OS9: variants seen among roughly 807,000 people sequenced by gnomAD.
OS9 encodes protein OS-9.
A neutral mutation model predicts 84.7 loss-of-function variants in OS9; 58 were observed. The ratio of observed to expected loss-of-function variants is 0.68; its 90% CI spans 0.55 to 0.85. The LOEUF is 0.85. Among genes scored for constraint, OS9 ranks in the 40% least tolerant of loss-of-function variants. OS9 has a pLI of 0.00. For missense variants in OS9, 760 were observed against 850.9 expected (o/e 0.89, Z 1.33); for synonymous variants, 278 against 320.8 (o/e 0.87, Z 1.43).
In OS9 at chr12:57,715,908, C is replaced by T; in HGVS notation, c.728C>T (p.Ala243Val). 1.2e-6 allele frequency: 2 copies of T among 1,613,442 alleles called. No individual in the cohort carries two copies. The highest frequency in any genetic ancestry group is 8.5e-7 in the Non-Finnish European group (1 of 1,179,678). Reference protein sequence around the residue: ...LRPPPSAAPQAILCHPSLQPE... With the variant: ...LRPPPSAAPQVILCHPSLQPE... ...CCCCCACCCAGTGCTGCACCGCAGG[C>T]CATCCTCTGTCACCCTTCCCTACAG... The change falls in exon 6 of 15, where the codon GCC becomes GTC. Residue 243 changes from alanine (A) to valine (V), a missense_variant. Ala to Val is a moderately conservative substitution (Grantham distance 64). Transcript: ENST00000315970.
At chr12:57,694,610 AC>A (rs1565763150) in intron 1 of OS9, 139 bp from the exon 2 acceptor site, 1 of 891,534 alleles carries the variant, frequency 1.1e-6, no homozygotes, top group East Asian at 2.6e-5. Context: ...CCTCTCACCC[AC>A]TAAATACAGC....
At chr12:57,694,694 C>T (rs765749957) in intron 1 of OS9, 56 bp from the exon 2 acceptor site, 2 of 1,563,246 alleles carry the variant, frequency 1.3e-6, no homozygotes, top group East Asian at 2.2e-5. Flanking sequence ...TCGTTGTTCT[C>T]CCTGATCCCA....
At position 57,720,009 on chromosome 12, in the gene OS9, A is replaced by G. The variant is rs530133137; in HGVS notation, c.1601-90A>G. ...TGAGATGGAAGAGCTGCCAAAGCCA[A>G]CTGATGTTTTAGGGGGAGATGACCC... On this transcript the variant is annotated intron_variant, in intron 12 of 14. Transcript: ENST00000315970. The G allele has an allele frequency of 2.4e-5, 30 of 1,232,192 alleles. No homozygotes were observed. The African/African-American group carries it at 4.1e-4, about 17-fold the overall frequency. 76.3% of individuals were successfully genotyped at this position (1,232,192 alleles called of 1,614,324 possible).
At chr12:57,705,797 A>G (rs1445398502) in intron 5 of OS9, among the ~76,000 whole-genome samples, 6 of 152,164 alleles carry the variant, frequency 3.9e-5, no homozygotes, top group African/African-American at 1.4e-4. Flanking sequence ...TGCTGGGATT[A>G]CAGGCAATGA....
chr12:57,697,959 A>C (rs940220806), intron 5 of OS9, among the ~76,000 whole-genome samples: 1 of 142,012 alleles, frequency 7.0e-6, no homozygotes, highest in African/African-American at 2.6e-5. Flanking sequence ...ACACACACAC[A>C]CACACACCCT....
chr12:57,712,090 G>C (rs1329692326), intron 5 of OS9, among the ~76,000 whole-genome samples: 1 of 152,196 alleles, frequency 6.6e-6, no homozygotes, highest in East Asian at 1.9e-4. Context: ...GGACACATAG[G>C]ATGGTATTCC....
intron 5 of OS9, among the ~76,000 whole-genome samples, chr12:57,699,234 C>T (rs1400761456): frequency 6.6e-6 from 1 of 152,100 alleles, no homozygotes; most frequent in Non-Finnish European, 1.5e-5. Flanking sequence ...GCTAGGCATT[C>T]AAGTAGAGAT....
At chr12:57,720,760 C>A in intron 14 of OS9, 24 bp from the exon 15 acceptor site, 1 of 1,576,228 alleles carries the variant, frequency 6.3e-7, no homozygotes, top group Non-Finnish European at 8.6e-7. Context: ...GTAGCTCCAG[C>A]CCACCTCTAC....
intron 5 of OS9, among the ~76,000 whole-genome samples, chr12:57,710,904 T>C (rs1456769040): frequency 6.6e-6 from 1 of 151,700 alleles, no homozygotes; most frequent in Non-Finnish European, 1.5e-5. Flanking sequence ...CAGGGTGTGG[T>C]GAGGCATGTC....
In OS9 at chr12:57,717,957, A is replaced by C. The variant is rs562586731; in HGVS notation, c.1133A>C (p.Lys378Thr). 2.5e-6 allele frequency: 4 copies of C among 1,606,802 alleles called. No homozygotes were observed. In the Admixed American group the frequency reaches 6.9e-5, roughly 28 times the overall value. ...FIEELKGGTK[K>T]GKPNIGQEQP... Reference sequence around the variant, plus strand: ...GAGGAGCTGAAAGGTGGAACAAAAAAGGTATAGGCCGTGCTTAGGGAATGG... The same window carrying C: ...GAGGAGCTGAAAGGTGGAACAAAAACGGTATAGGCCGTGCTTAGGGAATGG... Residue 378 changes from lysine (K) to threonine (T), a missense_variant and splice_region_variant, in exon 10 of 15, where the codon AAG (lysine) becomes ACG (threonine). Coordinates refer to ENST00000315970, the MANE Select transcript of OS9 (RefSeq NM_006812.4).
chr12:57,695,021 T>A, intron 2 of OS9, 95 bp downstream of exon 2: 1 of 1,141,044 alleles, frequency 8.8e-7, no homozygotes, highest in South Asian at 1.3e-5. Flanking sequence ...CTAGGGGACC[T>A]GTAGTGGTTA....
Position 57,720,197 on chromosome 12 carries a change from C to T in OS9, c.1699C>T (p.Pro567Ser). The T allele has an allele frequency of 6.2e-7, 1 of 1,614,210 alleles. No individual in the cohort carries two copies. Among genetic ancestry groups the T allele is most frequent in the Non-Finnish European group, 8.5e-7 (1 of 1,180,048 alleles). ...TGTCCTCGAGATGAAACGGGAAAAC[C>T]CACAGCTGAAACAAATCGAGGGGCT... ...LTVLEMKREN[P>S]QLKQIEGLVK... The change falls in exon 13 of 15, where the codon CCA becomes TCA. Residue 567 changes from proline (P) to serine (S), a missense_variant. Physicochemically the swap from Pro to Ser is moderately conservative, Grantham distance 74. Transcript: ENST00000315970.
chr12:57,701,474 C>T (rs1313653127), intron 5 of OS9, among the ~76,000 whole-genome samples: 2 of 151,902 alleles, frequency 1.3e-5, no homozygotes, highest in Admixed American at 1.3e-4. Flanking sequence ...AGGGGTTTCA[C>T]CATGTTGGCC....
intron 5 of OS9, among the ~76,000 whole-genome samples, chr12:57,715,409 T>TAC (rs1954455595): frequency 6.6e-6 from 1 of 151,334 alleles, no homozygotes; most frequent in African/African-American, 2.4e-5. Context: ...CAAATAAAAG[T>TAC]ATATATATAC....
rs1954598864 is a variant in OS9, at chr12:57,719,075, A to G, written c.1493A>G (p.Asn498Ser). The change falls in exon 12 of 15, where the codon AAC becomes AGC. Residue 498 changes from asparagine to serine, a missense_variant. Asn to Ser is a conservative substitution (Grantham distance 46, BLOSUM62 1). Transcript: ENST00000315970. ...ATGCTGGCTCTCACATCCACTCTCA[A>G]CAAACTCATCAAAAGACTGGAGGAA... is the stretch of plus-strand genomic sequence containing the variant. ...RAMLALTSTL[N>S]KLIKRLEEKQ... 1.9e-6 allele frequency: 3 copies of G among 1,613,976 alleles called. 1 individual carries two copies. The African/African-American group carries it at 4.0e-5, about 22-fold the overall frequency.
intron 5 of OS9, among the ~76,000 whole-genome samples, chr12:57,709,479 T>C (rs1954266762): frequency 6.6e-6 from 1 of 152,234 alleles, no homozygotes; most frequent in Non-Finnish European, 1.5e-5. Flanking sequence ...GTTTCTAATT[T>C]TATGCCATTG....
chr12:57,719,502 A>G (rs1954613950), intron 12 of OS9: 1 of 308,390 alleles, frequency 3.2e-6, no homozygotes, highest in African/African-American at 2.1e-5. Flanking sequence ...TTGTGAGTCT[A>G]TATGCTGAAA....
intron 5 of OS9, 31 bp downstream of exon 5, chr12:57,696,404 C>T: frequency 7.9e-7 from 1 of 1,258,668 alleles, no homozygotes; most frequent in South Asian, 1.3e-5. Flanking sequence ...GTTGACACTC[C>T]CACAGGGACA....
intron 5 of OS9, among the ~76,000 whole-genome samples, chr12:57,702,110 G>T (rs1186733087): frequency 6.6e-6 from 1 of 152,048 alleles, no homozygotes; most frequent in Admixed American, 6.6e-5. Context: ...TTTTTTTAAT[G>T]ATTGAAAAAA....
Sources: gnomAD v4.1 joint callset for allele counts (sites outside exome capture counted in the v4.1 genomes callset) on GRCh38, gnomAD v4.1.1 for gene constraint, MANE v1.5 for transcripts, NCBI Gene and HGNC (gene_info 2026-07-23, HGNC 2026-07-21) for gene names.